Variants in STRN observed in about 807,000 individuals in gnomAD.
STRN encodes the protein striatin.
A neutral mutation model predicts 96.3 loss-of-function variants in STRN; 53 were observed. The observed-to-expected ratio is 0.55, with a 90% CI of 0.44 to 0.69. The LOEUF (loss-of-function observed/expected upper bound fraction) is 0.69. Among genes scored for constraint, STRN ranks in the 30% least tolerant of loss-of-function variants. The probability of loss-of-function intolerance (pLI) is 0.00; values close to 1 mark genes in which losing one functional copy is unlikely to be tolerated. For synonymous variants in STRN, 428 were observed against 355.9 expected (o/e 1.20, Z -2.28); for missense variants, 987 against 963.9 (o/e 1.02, Z -0.32).
chr2:36,873,292 A>G (rs543774957), intron 10 of STRN, among the ~76,000 whole-genome samples: 1 of 152,372 alleles, frequency 6.6e-6, no homozygotes, highest in Admixed American at 6.5e-5. Context: ...CAGTTTCTTG[A>G]AAATAAAAAT....
intron 6 of STRN, 92 bp downstream of exon 6, chr2:36,899,431 T>C (rs1669625878): frequency 1.4e-5 from 17 of 1,199,020 alleles, no homozygotes; most frequent in Admixed American, 3.7e-5. Flanking sequence ...AAGCTACGGG[T>C]TAAGATTAAA....
intron 1 of STRN, among the ~76,000 whole-genome samples, chr2:36,941,742 C>T (rs968193351): frequency 2.0e-4 from 27 of 138,424 alleles, no homozygotes; most frequent in Non-Finnish European, 3.0e-4. Flanking sequence ...TTAGTGGAGA[C>T]GGGTTTCACC....
At chr2:36,926,174 G>A (rs1477132196) in intron 1 of STRN, among the ~76,000 whole-genome samples, 2 of 152,010 alleles carry the variant, frequency 1.3e-5, no homozygotes, top group Non-Finnish European at 2.9e-5. Flanking sequence ...GAAACGAACT[G>A]TAAACAACTT....
chr2:36,936,203 G>A (rs1049467751), intron 1 of STRN, among the ~76,000 whole-genome samples: 5 of 152,124 alleles, frequency 3.3e-5, no homozygotes, highest in Non-Finnish European at 7.4e-5. Context: ...TGAAAAGACT[G>A]TAAGCAATCA....
rs1442606202 is a variant in STRN, at chr2:36,877,977, C to T, written c.1237G>A (p.Ala413Thr). The T allele has an allele frequency of 6.2e-7, 1 of 1,614,106 alleles. No individual in the cohort carries two copies. The highest frequency in any genetic ancestry group is 1.1e-5 in the South Asian group (1 of 91,078). Residue 413 changes from alanine (A) to threonine (T), a missense_variant, in exon 10 of 18, where the codon GCA becomes ACA. Physicochemically the swap from Ala to Thr is moderately conservative, Grantham distance 58 (BLOSUM62 0). Transcript: ENST00000263918. ...PSSGKSFIMG[A>T]DEALESELGL... ...AGTTCACTTTCAAGGGCTTCATCTGCTCCCATGATGAATGACTTTCCAGAA... is the reference window on the plus strand; with the variant it reads ...AGTTCACTTTCAAGGGCTTCATCTGTTCCCATGATGAATGACTTTCCAGAA...
chr2:36,908,539 G>A (rs1375726854), intron 3 of STRN, among the ~76,000 whole-genome samples: 2 of 152,152 alleles, frequency 1.3e-5, no homozygotes, highest in East Asian at 3.9e-4. Flanking sequence ...TACGGAGGGA[G>A]AGATTTGTGA....
Position 36,893,987 on chromosome 2 carries a change from G to T in STRN, c.842C>A (p.Thr281Lys). 6.2e-7 allele frequency: 1 copy of T among 1,613,076 alleles called. No individual in the cohort carries two copies. Among genetic ancestry groups the T allele is most frequent in the Non-Finnish European group, 8.5e-7 (1 of 1,179,716 alleles). The change falls in exon 7 of 18, where the codon ACA becomes AAA. Residue 281 changes from threonine (T) to lysine (K), a missense_variant. By Grantham distance (78) the Thr-to-Lys change is moderately conservative (BLOSUM62 -1). Coordinates refer to ENST00000263918, the MANE Select transcript of STRN (RefSeq NM_003162.4). ...ALPDSGEDRD[T>K]KEALKEFDFL... ...GTCAAACTCCTTTAGAGCTTCTTTT[G>T]TATCTCGATCTTCACCGCTGTCAGG...
At chr2:36,925,557 A>G (rs995627676) in intron 1 of STRN, among the ~76,000 whole-genome samples, 3 of 152,072 alleles carry the variant, frequency 2.0e-5, no homozygotes, top group African/African-American at 7.2e-5. Flanking sequence ...CGGGTGGATC[A>G]CTTGAGGTGA....
intron 10 of STRN, among the ~76,000 whole-genome samples, chr2:36,870,997 T>C (rs1163395688): frequency 1.3e-5 from 2 of 152,182 alleles, no homozygotes; most frequent in Non-Finnish European, 2.9e-5. Flanking sequence ...CATTAAAAAT[T>C]TTAAAAATAG....
intron 1 of STRN, among the ~76,000 whole-genome samples, chr2:36,957,745 T>TTTC (rs1491277743): frequency 3.3e-5 from 2 of 61,502 alleles, no homozygotes; most frequent in Non-Finnish European, 6.3e-5. Flanking sequence ...TCTTTTTGTC[T>TTTC]TTTTTTTTTT....
chr2:36,923,629 T>C (rs1192947782), intron 2 of STRN, among the ~76,000 whole-genome samples: 2 of 152,216 alleles, frequency 1.3e-5, no homozygotes, highest in African/African-American at 2.4e-5. Context: ...TTCTACATGA[T>C]GATGAACACA....
In STRN at chr2:36,966,493, C is replaced by G; in HGVS notation, c.-30G>C. ...GCCGCAGATACCCGGGGAGCTGCCC[C>G]GGCGCCCAGCAGCGGAGGCAACAGC... On this transcript the variant is annotated 5_prime_UTR_variant, in exon 1 of 18. Transcript: ENST00000263918. 1.4e-6 allele frequency: 2 copies of G among 1,396,130 alleles called. No individual in the cohort carries two copies. Among genetic ancestry groups the G allele is most frequent in the Admixed American group, 3.5e-5 (1 of 28,724 alleles). The allele number at this position is 1,396,130 out of a possible 1,614,324, so 86.5% of individuals were successfully genotyped here. A position where few individuals can be genotyped will look rare whatever the true frequency, so the allele number is the denominator to read the frequency against.
At chr2:36,894,227 C>T (rs1669480730) in intron 6 of STRN, among the ~76,000 whole-genome samples, 194 bp from the exon 7 acceptor site, 2 of 152,112 alleles carry the variant, frequency 1.3e-5, no homozygotes, top group Admixed American at 1.3e-4. Context: ...AAACTTTGCT[C>T]AACGGTATTA....
At chr2:36,894,502 A>T (rs1009930156) in intron 6 of STRN, among the ~76,000 whole-genome samples, 1 of 152,218 alleles carries the variant, frequency 6.6e-6, no homozygotes, top group Non-Finnish European at 1.5e-5. Flanking sequence ...GGAATCACAA[A>T]TCCAATTGAA....
chr2:36,937,704 A>C (rs1670742243), intron 1 of STRN, among the ~76,000 whole-genome samples: 1 of 151,896 alleles, frequency 6.6e-6, no homozygotes, highest in African/African-American at 2.4e-5. Context: ...AAAAAAAGAG[A>C]AGAAGGAAAT....
At chr2:36,930,386 C>G (rs1159463623) in intron 1 of STRN, among the ~76,000 whole-genome samples, 2 of 150,808 alleles carry the variant, frequency 1.3e-5, no homozygotes, top group African/African-American at 4.9e-5. Context: ...GAGCCAAGAT[C>G]ATGCCACTGC....
rs777001046 is a variant in STRN at position 36,849,790 on chromosome 2, G to T, written c.2097C>A (p.Ile699=). The change falls in exon 17 of 18, where the codon ATC becomes ATA. Residue 699 remains isoleucine (I), a synonymous_variant. Coordinates refer to ENST00000263918, the MANE Select transcript of STRN (RefSeq NM_003162.4). The part of the protein sequence containing the change: ...KFYDNNTGKL[I]HSMVAHLEAV... ...CTTCTAGGTGGGCTACCATCGAGTG[G>T]ATCAGTTTGCCTTTGGAAAAAGAGA... 9 of 1,613,908 alleles carry T rather than the reference G, an allele frequency of 5.6e-6. No individual in the cohort carries two copies. The highest frequency in any genetic ancestry group is 6.8e-6 in the Non-Finnish European group (8 of 1,179,974).
chr2:36,850,995 C>G lies in STRN; in HGVS notation c.2086+5G>C, dbSNP rs577979127. ...AATAAAAATCAATTCTTAATAAATT[C>G]TTACCTGTATTGTTATCATAGAATT... On this transcript the variant is annotated splice_donor_5th_base_variant and intron_variant, in intron 16 of 17. Coordinates refer to ENST00000263918, the MANE Select transcript of STRN (RefSeq NM_003162.4). 7.2e-6 allele frequency: 11 copies of G among 1,519,692 alleles called. No individual in the cohort carries two copies. The South Asian group carries it at 1.4e-4, about 19-fold the overall frequency. The allele number at this position is 1,519,692 out of a possible 1,614,324, so 94.1% of individuals were successfully genotyped here.
intron 9 of STRN, among the ~76,000 whole-genome samples, chr2:36,882,654 A>G (rs928951273): frequency 6.6e-6 from 1 of 152,182 alleles, no homozygotes. Context: ...CTATAGTCCT[A>G]GCTACTCAGG....
Sources: allele counts gnomAD v4.1 joint callset (sites outside exome capture counted in the v4.1 genomes callset), GRCh38; gene constraint gnomAD v4.1.1; transcripts MANE v1.5; gene names NCBI Gene and HGNC (gene_info 2026-07-23, HGNC 2026-07-21).